Variants in PPIH observed in about 807,000 individuals in gnomAD.
PPIH encodes peptidylprolyl isomerase H.
A neutral mutation model predicts 27.6 loss-of-function variants in PPIH; 16 were observed. The observed-to-expected ratio is 0.58, with a 90% confidence interval of 0.39 to 0.88. The LOEUF (loss-of-function observed/expected upper bound fraction) is 0.88, where lower values mean the gene tolerates loss of function less well. Among genes scored for constraint, PPIH ranks in the 40% least tolerant of loss-of-function variants. The probability of loss-of-function intolerance (pLI) is 0.00; values close to 1 mark genes in which losing one functional copy is unlikely to be tolerated. For synonymous variants in PPIH, 63 were observed against 76.1 expected (o/e 0.83, Z 0.90); for missense variants, 155 against 224.1 (o/e 0.69, Z 1.97).
intron 9 of PPIH, among the ~76,000 whole-genome samples, chr1:42,670,039 C>T (rs1649543689): frequency 6.6e-6 from 1 of 152,202 alleles, no homozygotes; most frequent in Non-Finnish European, 1.5e-5. Flanking sequence ...CACTTACAGG[C>T]ATTCAGTAAA....
At chr1:42,668,907 T>C (rs367998053) in intron 9 of PPIH, among the ~76,000 whole-genome samples, 2 of 152,160 alleles carry the variant, frequency 1.3e-5, no homozygotes, top group East Asian at 3.9e-4. Flanking sequence ...AAAACCACCT[T>C]GTATTAAAAA....
intron 9 of PPIH, among the ~76,000 whole-genome samples, chr1:42,669,569 G>A (rs113554952): frequency 2.6e-5 from 4 of 152,240 alleles, no homozygotes; most frequent in Non-Finnish European, 4.4e-5. Context: ...GATTACAGGC[G>A]TGAGCCACTG....
In PPIH at chr1:42,658,919, G is replaced by A. The variant is rs1454073544; in HGVS notation, c.131+11G>A. 1 of 1,613,584 alleles carries A rather than the reference G, an allele frequency of 6.2e-7. No individual in the cohort carries two copies. The highest frequency in any genetic ancestry group is 1.1e-5 in the South Asian group (1 of 91,082). ...GGCCGAGAACTTTAGGTAAGGACGT[G>A]CTCCAGCTCCGCTGGATTAGCTGAG... On this transcript the variant is annotated intron_variant, in intron 2 of 9. Transcript: ENST00000304979.
chr1:42,666,535 C>G lies in PPIH; in HGVS notation c.425-12C>G. The G allele has an allele frequency of 6.2e-7, 1 of 1,613,150 alleles. No homozygotes were observed. The highest frequency in any genetic ancestry group is 8.5e-7 in the Non-Finnish European group (1 of 1,179,166). On this transcript the variant is annotated splice_polypyrimidine_tract_variant and intron_variant, in intron 7 of 9. Transcript: ENST00000304979. ...AAACAAGAATAAAGTCCAGCTCATGCTCTTCCTACAGGAAAAATCATCGAT... is the reference window on the plus strand; with the variant it reads ...AAACAAGAATAAAGTCCAGCTCATGGTCTTCCTACAGGAAAAATCATCGAT...
intron 9 of PPIH, among the ~76,000 whole-genome samples, chr1:42,672,381 C>CA (rs1239564464): frequency 0.014 from 2,041 of 140,786 alleles, 36 homozygotes; most frequent in African/African-American, 0.046. Context: ...TGCCATATTC[C>CA]AAAAAAAAAA....
chr1:42,677,195 C>T (rs555666669), downstream of PPIH, among the ~76,000 whole-genome samples: 65 of 152,198 alleles, frequency 4.3e-4, no homozygotes, highest in South Asian at 0.012. Flanking sequence ...GTTTTGGGAC[C>T]GGGTGCCGTG....
In PPIH at chr1:42,659,219, C is replaced by A; in HGVS notation, c.132-9C>A. On this transcript the variant is annotated splice_polypyrimidine_tract_variant and intron_variant, in intron 2 of 9. Coordinates refer to ENST00000304979, the MANE Select transcript of PPIH (RefSeq NM_006347.4). ...AGTGATTGAATCATTCATTTTTTGTCCCTTTCAGGCAGTTCTGCACCGGAG... is the reference window on the plus strand; with the variant it reads ...AGTGATTGAATCATTCATTTTTTGTACCTTTCAGGCAGTTCTGCACCGGAG... 1 of 1,612,654 alleles carries A rather than the reference C, an allele frequency of 6.2e-7. No homozygotes were observed. Among genetic ancestry groups the A allele is most frequent in the Non-Finnish European group, 8.5e-7 (1 of 1,179,616 alleles).
downstream of PPIH, among the ~76,000 whole-genome samples, chr1:42,680,890 G>A (rs1650001910): frequency 6.6e-6 from 1 of 152,152 alleles, no homozygotes; most frequent in Non-Finnish European, 1.5e-5. Flanking sequence ...CACAGAAAAA[G>A]GTTCCTACCC....
chr1:42,659,556 AC>A lies in PPIH; in HGVS notation c.192del (p.Phe65SerfsTer5), dbSNP rs1272195859. The A allele has an allele frequency of 3.7e-6, 6 of 1,613,710 alleles. No individual in the cohort carries two copies. Among genetic ancestry groups the A allele is most frequent in the Non-Finnish European group, 5.1e-6 (6 of 1,180,030 alleles). The part of the protein sequence containing the change: ...DGVPIGYKGS[T>X]FHRVIKDFMI... ...GGTTCCAATAGGATACAAAGGAAGCACCTTCCACAGGTAAGGCTCTTGGCAA... is the reference window on the plus strand; with the variant it reads ...GGTTCCAATAGGATACAAAGGAAGCACTTCCACAGGTAAGGCTCTTGGCAA... On this transcript the variant is annotated frameshift_variant, in exon 4 of 10. Coordinates refer to ENST00000304979, the MANE Select transcript of PPIH (RefSeq NM_006347.4). LOFTEE classifies it high-confidence loss of function.
chr1:42,674,654 T>C (rs1186136160), intron 9 of PPIH, among the ~76,000 whole-genome samples: 1 of 152,230 alleles, frequency 6.6e-6, no homozygotes, highest in Non-Finnish European at 1.5e-5. Context: ...ATTTTCATGT[T>C]CAGAAGATGA....
downstream of PPIH, chr1:42,678,949 CCA>C (rs1177052139): frequency 6.6e-6 from 1 of 152,194 alleles, no homozygotes; most frequent in Non-Finnish European, 1.5e-5. Context: ...TGTTCTTAGG[CCA>C]CAGTCTATTA....
chr1:42,659,930 A>G (rs1282424725), intron 4 of PPIH, among the ~76,000 whole-genome samples: 1 of 152,230 alleles, frequency 6.6e-6, no homozygotes, highest in Non-Finnish European at 1.5e-5. Flanking sequence ...AAGGATAATC[A>G]TATTTCCTGG....
At chr1:42,667,574 T>G (rs1245333764) in intron 9 of PPIH, 134 bp downstream of exon 9, 6 of 650,108 alleles carry the variant, frequency 9.2e-6, no homozygotes, top group Non-Finnish European at 1.3e-5. Context: ...GAGTAGTCAC[T>G]TTCCTTCTCT....
intron 8 of PPIH, among the ~76,000 whole-genome samples, chr1:42,667,104 G>T (rs886892999): frequency 2.0e-5 from 3 of 152,028 alleles, no homozygotes; most frequent in Non-Finnish European, 4.4e-5. Context: ...CCCCAATTTA[G>T]TTGCCTATCT....
intron 5 of PPIH, among the ~76,000 whole-genome samples, chr1:42,661,164 G>T (rs1648993643): frequency 6.6e-6 from 1 of 152,128 alleles, no homozygotes; most frequent in Non-Finnish European, 1.5e-5. Flanking sequence ...GCCAGAAATT[G>T]GACTTTTTAA....
downstream of PPIH, among the ~76,000 whole-genome samples, chr1:42,677,114 A>G (rs1649914733): frequency 6.6e-6 from 1 of 151,688 alleles, no homozygotes; most frequent in South Asian, 2.1e-4. Flanking sequence ...AGCATCCTTG[A>G]AAGAGTCAAA....
chr1:42,677,542 C>G (rs1649926942), downstream of PPIH, among the ~76,000 whole-genome samples: 1 of 152,146 alleles, frequency 6.6e-6, no homozygotes, highest in Non-Finnish European at 1.5e-5. Flanking sequence ...GGTGCTGTAG[C>G]TCCTGCCTAT....
At chr1:42,675,388 G>C (rs939688688) in intron 9 of PPIH, 1 of 152,242 alleles carries the variant, frequency 6.6e-6, no homozygotes, top group African/African-American at 2.4e-5. Context: ...GACAGTGGGT[G>C]CTCCCACAGC....
downstream of PPIH, chr1:42,678,747 G>C (rs1310423984): frequency 2.0e-5 from 3 of 152,186 alleles, no homozygotes; most frequent in South Asian, 2.1e-4. Context: ...CCAACACCTG[G>C]AAGAACTGAG....
Sources: gnomAD v4.1 joint callset for allele counts (sites outside exome capture counted in the v4.1 genomes callset) on GRCh38, gnomAD v4.1.1 for gene constraint, MANE v1.5 for transcripts, NCBI Gene and HGNC (gene_info 2026-07-23, HGNC 2026-07-21) for gene names.